The following NIPBL variants were observed in gnomAD, a reference collection of about 807,000 sequenced individuals.
The protein encoded by NIPBL is nipped-B-like protein.
A neutral mutation model predicts 321.8 loss-of-function variants in NIPBL; 19 were observed. The observed-to-expected ratio is 0.06, with a 90% confidence interval of 0.04 to 0.09. The LOEUF (loss-of-function observed/expected upper bound fraction) is 0.09, where lower values mean the gene tolerates loss of function less well. Among genes scored for constraint, NIPBL ranks in the 10% least tolerant of loss-of-function variants. The probability of loss-of-function intolerance (pLI) is 1.00; values close to 1 mark genes in which losing one functional copy is unlikely to be tolerated. For synonymous variants in NIPBL, 1,106 were observed against 1,114.1 expected, an observed-to-expected ratio of 0.99 and a Z score of 0.14; for missense variants, 2,210 against 3,327.0, an observed-to-expected ratio of 0.66 and a Z score of 8.26.
chr5:36,893,733 G>A (rs922607465), intron 1 of NIPBL, among the ~76,000 whole-genome samples: 9 of 152,178 alleles, frequency 5.9e-5, no homozygotes, highest in South Asian at 2.1e-4. Flanking sequence ...GAGGCATAAA[G>A]GAGCAAGGAA....
chr5:36,982,708 T>G (rs1744282070), intron 9 of NIPBL, among the ~76,000 whole-genome samples: 1 of 151,790 alleles, frequency 6.6e-6, no homozygotes, highest in African/African-American at 2.4e-5. Flanking sequence ...TTACGTAAAT[T>G]GGATTGAGGT....
intron 1 of NIPBL, among the ~76,000 whole-genome samples, chr5:36,890,067 CTT>C (rs1159002399): frequency 1.3e-5 from 2 of 152,080 alleles, no homozygotes; most frequent in Non-Finnish European, 2.9e-5. Context: ...ATTTATTCCT[CTT>C]TTAACGTTGG....
intron 1 of NIPBL, among the ~76,000 whole-genome samples, chr5:36,933,378 G>A (rs1405289677): frequency 6.6e-6 from 1 of 151,774 alleles, no homozygotes; most frequent in Non-Finnish European, 1.5e-5. Context: ...TGGTCAAAAG[G>A]GTCTGTGGAA....
chr5:37,002,838 A>T, intron 15 of NIPBL, 73 bp downstream of exon 15: 3 of 881,164 alleles, frequency 3.4e-6, no homozygotes, highest in Non-Finnish European at 5.4e-6. Context: ...TTTTCAGGGT[A>T]AATTATAAAA....
At chr5:36,885,096 T>C in intron 1 of NIPBL, 1 of 286,366 alleles carries the variant, frequency 3.5e-6, no homozygotes, top group Non-Finnish European at 6.8e-6. Context: ...TTAAGTATTA[T>C]ATATAATCAG....
intron 1 of NIPBL, among the ~76,000 whole-genome samples, chr5:36,892,576 G>A (rs375112162): frequency 7.2e-5 from 11 of 152,230 alleles, no homozygotes; most frequent in South Asian, 4.2e-4. Flanking sequence ...AAGAAAATGT[G>A]GCACATATAC....
At chr5:36,924,439 A>G (rs1749196971) in intron 1 of NIPBL, among the ~76,000 whole-genome samples, 1 of 152,100 alleles carries the variant, frequency 6.6e-6, no homozygotes, top group South Asian at 2.1e-4. Context: ...TTGAATTCAT[A>G]TTCTGATTGT....
chr5:36,963,193 T>C (rs1741825383), intron 6 of NIPBL, among the ~76,000 whole-genome samples: 1 of 152,130 alleles, frequency 6.6e-6, no homozygotes, highest in South Asian at 2.1e-4. Flanking sequence ...GTATAAATTG[T>C]ATGTTTTAAA....
Position 37,065,162 on chromosome 5 carries a change from T to TA in NIPBL, c.*278dup, listed in dbSNP as rs1176037171. The TA allele has an allele frequency of 2.6e-5, 12 of 453,478 alleles. No homozygotes were observed. Among genetic ancestry groups the TA allele is most frequent in the East Asian group, 4.3e-5 (1 of 23,098 alleles). The allele number at this position is 453,478 out of a possible 1,614,324, so 28.1% of individuals were successfully genotyped here. ...TATCTTGGAAAAAAAACTTTCTGTT[T>TA]AAAAAAAATAAACAAGTGAATGTTG... On this transcript the variant is annotated 3_prime_UTR_variant, in exon 47 of 47. Transcript: ENST00000282516.
At chr5:37,044,859 CAG>C in intron 36 of NIPBL, 130 bp downstream of exon 36, 1 of 694,578 alleles carries the variant, frequency 1.4e-6, no homozygotes. Flanking sequence ...GTGGTCCTCT[CAG>C]AAACAATATT....
At chr5:37,007,865 A>G (rs1217644515) in intron 18 of NIPBL, 143 bp from the exon 19 acceptor site, 3 of 670,474 alleles carry the variant, frequency 4.5e-6, no homozygotes, top group Non-Finnish European at 8.2e-6. Flanking sequence ...AGAGAAAAGA[A>G]TAGATGCTGA....
At chr5:36,925,682 A>G (rs563985522) in intron 1 of NIPBL, among the ~76,000 whole-genome samples, 47 of 152,342 alleles carry the variant, frequency 3.1e-4, no homozygotes, top group African/African-American at 1.1e-3. Flanking sequence ...AGTACGTGGC[A>G]GAATTATAAT....
At chr5:36,944,182 T>C (rs1223137938) in intron 1 of NIPBL, among the ~76,000 whole-genome samples, 2 of 152,154 alleles carry the variant, frequency 1.3e-5, no homozygotes, top group Non-Finnish European at 2.9e-5. Context: ...ATATATGTTT[T>C]ATGCTGATTG....
At position 37,037,369 on chromosome 5, in the gene NIPBL, CAG is replaced by C. The variant is rs1243267744; in HGVS notation, c.5971+885_5971+886del. On this transcript the variant is annotated intron_variant, in intron 33 of 46. Coordinates refer to ENST00000282516, the MANE Select transcript of NIPBL (RefSeq NM_133433.4). ...CGCCACTGCACTCCAGCCTGGGTGACAGAGGGAGACTCCGTCTCAAAAAATAT... is the reference window on the plus strand; with the variant it reads ...CGCCACTGCACTCCAGCCTGGGTGACAGGGAGACTCCGTCTCAAAAAATAT... 5.4e-5 allele frequency among the ~76,000 whole-genome samples: 8 copies of C among 149,060 alleles called. No homozygotes were observed. In the East Asian group the frequency reaches 1.6e-3, roughly 29 times the overall value.
At chr5:37,039,804 A>G (rs2149722966) in intron 34 of NIPBL, among the ~76,000 whole-genome samples, 1 of 152,220 alleles carries the variant, frequency 6.6e-6, no homozygotes, top group East Asian at 1.9e-4. Flanking sequence ...AGAACTGAGG[A>G]GAGTAGTAAA....
intron 1 of NIPBL, among the ~76,000 whole-genome samples, chr5:36,909,489 C>T (rs561972479): frequency 2.0e-5 from 3 of 152,108 alleles, no homozygotes; most frequent in South Asian, 4.1e-4. Context: ...TTTTAAATTA[C>T]GCATTTGTCA....
intron 1 of NIPBL, among the ~76,000 whole-genome samples, chr5:36,952,053 T>TGTGTGTGTGTGTGTGTGTGC (rs778597604): frequency 8.3e-4 from 93 of 112,202 alleles, no homozygotes; most frequent in East Asian, 2.8e-3. Flanking sequence ...TGTGTGTGTG[T>TGTGTGTGTGTGTGTGTGTGC]GCGCGCGCGC....
At chr5:37,056,373 C>CT (rs999840016) in intron 42 of NIPBL, among the ~76,000 whole-genome samples, 10 of 150,392 alleles carry the variant, frequency 6.6e-5, no homozygotes, top group African/African-American at 1.2e-4. Flanking sequence ...TAGTTGTGAG[C>CT]TTTTTTTTTC....
chr5:37,000,895 C>T lies in NIPBL; in HGVS notation c.3574+7C>T, dbSNP rs1382498807. The T allele has an allele frequency of 1.2e-5, 20 of 1,605,536 alleles. No individual in the cohort carries two copies. Among genetic ancestry groups the T allele is most frequent in the Admixed American group, 1.2e-4 (7 of 59,796 alleles). On this transcript the variant is annotated splice_region_variant and intron_variant, in intron 13 of 46. Coordinates refer to ENST00000282516, the MANE Select transcript of NIPBL (RefSeq NM_133433.4). ...CCAAAACTAACACCTGAAGGTAACA[C>T]GTTAGTTTATTTAATTTGTCTTTAT...
Sources: gnomAD v4.1 joint callset for allele counts (sites outside exome capture counted in the v4.1 genomes callset) on GRCh38, gnomAD v4.1.1 for gene constraint, MANE v1.5 for transcripts, NCBI Gene and HGNC (gene_info 2026-07-23, HGNC 2026-07-21) for gene names.